The following KCND2 variants were observed in gnomAD, a reference collection of about 807,000 sequenced individuals.
The protein encoded by KCND2 is potassium voltage-gated channel subfamily D member 2.
A neutral mutation model predicts 54.4 loss-of-function variants in KCND2; 16 were observed. The observed-to-expected ratio is 0.29, with a 90% CI of 0.20 to 0.45. The LOEUF is 0.45. Among genes scored for constraint, KCND2 ranks in the 20% least tolerant of loss-of-function variants. KCND2 has a pLI of 1.00. For synonymous variants in KCND2, 317 were observed against 310.7 expected (o/e 1.02, Z -0.21); for missense variants, 486 against 824.2 (o/e 0.59, Z 5.02).
intron 1 of KCND2, among the ~76,000 whole-genome samples, chr7:120,341,223 A>G (rs1190396528): frequency 1.3e-5 from 2 of 152,102 alleles, no homozygotes; most frequent in African/African-American, 4.8e-5. Context: ...TTCAGAAGAA[A>G]GGAAAAACTG....
chr7:120,668,465 A>G (rs953287358), intron 1 of KCND2, among the ~76,000 whole-genome samples: 3 of 152,106 alleles, frequency 2.0e-5, no homozygotes, highest in Non-Finnish European at 4.4e-5. Context: ...CTGCATTAAA[A>G]ATGCCAGAAA....
rs377653777 is a variant in KCND2 at position 120,739,927 on chromosome 7, T to A, written c.1279-1607T>A. ...TCAAAGCAGGCAGCCTTGCTTATAGTTGCCAAAGATGCTTTAAAAATTAAT... is the reference window on the plus strand; with the variant it reads ...TCAAAGCAGGCAGCCTTGCTTATAGATGCCAAAGATGCTTTAAAAATTAAT... On this transcript the variant is annotated intron_variant, in intron 2 of 5. Coordinates refer to ENST00000331113, the MANE Select transcript of KCND2 (RefSeq NM_012281.3). 5.9e-5 allele frequency among the ~76,000 whole-genome samples: 9 copies of A among 152,184 alleles called. 1 individual carries two copies. The South Asian group carries it at 1.5e-3, about 25-fold the overall frequency.
intron 1 of KCND2, among the ~76,000 whole-genome samples, chr7:120,499,189 A>G (rs1489833647): frequency 6.6e-6 from 1 of 152,184 alleles, no homozygotes; most frequent in Non-Finnish European, 1.5e-5. Context: ...CATTATATAC[A>G]GAACTGTATT....
At chr7:120,694,869 A>C (rs1013667681) in intron 1 of KCND2, among the ~76,000 whole-genome samples, 5 of 152,166 alleles carry the variant, frequency 3.3e-5, no homozygotes, top group Admixed American at 1.3e-4. Context: ...TCCAGGTTGG[A>C]ATACAGTTTA....
At chr7:120,629,059 T>C (rs930905775) in intron 1 of KCND2, among the ~76,000 whole-genome samples, 108 of 152,248 alleles carry the variant, frequency 7.1e-4, no homozygotes, top group African/African-American at 2.2e-3. Flanking sequence ...TCTGATAAGA[T>C]AGATGTCATT....
rs185254077 is a variant in KCND2, at chr7:120,614,346, A to G, written c.1116-118557A>G. ...AATATTTTTAAAAGATTAAACTTAAAGCTCAATGCCTTAAACAGTTGGCAC... is the reference window on the plus strand; with the variant it reads ...AATATTTTTAAAAGATTAAACTTAAGGCTCAATGCCTTAAACAGTTGGCAC... On this transcript the variant is annotated intron_variant, in intron 1 of 5. Coordinates refer to ENST00000331113, the MANE Select transcript of KCND2 (RefSeq NM_012281.3). Among the ~76,000 whole-genome samples the G allele has an allele frequency of 5.3e-5, 8 of 152,266 alleles. No individual in the cohort carries two copies. The East Asian group carries it at 1.5e-3, about 29-fold the overall frequency.
At chr7:120,579,645 TA>T (rs375298101) in intron 1 of KCND2, among the ~76,000 whole-genome samples, 172 of 131,968 alleles carry the variant, frequency 1.3e-3, no homozygotes, top group African/African-American at 3.6e-3. Flanking sequence ...AATAAATAAA[TA>T]AAATAAAATA....
chr7:120,650,521 CT>C (rs1562898671), intron 1 of KCND2, among the ~76,000 whole-genome samples: 1 of 142,960 alleles, frequency 7.0e-6, no homozygotes. Context: ...TTCGTCTAAT[CT>C]TTTTTCAAGG....
intron 1 of KCND2, among the ~76,000 whole-genome samples, chr7:120,519,593 G>A (rs938763770): frequency 5.9e-5 from 9 of 152,246 alleles, no homozygotes; most frequent in South Asian, 2.1e-4. Flanking sequence ...TCCCACCTGT[G>A]CTTCTGACCT....
intron 1 of KCND2, among the ~76,000 whole-genome samples, chr7:120,287,916 A>C (rs995111404): frequency 6.6e-6 from 1 of 152,152 alleles, no homozygotes; most frequent in Non-Finnish European, 1.5e-5. Context: ...ATTAGATATT[A>C]TAGATAGAAA....
At chr7:120,662,988 T>C (rs2116562256) in intron 1 of KCND2, among the ~76,000 whole-genome samples, 1 of 152,316 alleles carries the variant, frequency 6.6e-6, no homozygotes, top group Middle Eastern at 3.4e-3. Flanking sequence ...GAACTATTTA[T>C]TGATCCTCAG....
chr7:120,486,619 A>G (rs1255385240), intron 1 of KCND2, among the ~76,000 whole-genome samples: 3 of 152,108 alleles, frequency 2.0e-5, no homozygotes, highest in Non-Finnish European at 2.9e-5. Context: ...AAGGGGATGC[A>G]TTAAAATTTC....
At chr7:120,411,677 C>A (rs978861713) in intron 1 of KCND2, among the ~76,000 whole-genome samples, 1 of 151,902 alleles carries the variant, frequency 6.6e-6, no homozygotes, top group Admixed American at 6.6e-5. Context: ...CTAGAAAGAA[C>A]ATAACAACTA....
intron 1 of KCND2, among the ~76,000 whole-genome samples, chr7:120,716,225 A>G (rs1792601269): frequency 6.6e-6 from 1 of 152,126 alleles, no homozygotes; most frequent in Non-Finnish European, 1.5e-5. Flanking sequence ...ATAATTAGCA[A>G]TATACTATGT....
At chr7:120,657,969 C>A (rs995358934) in intron 1 of KCND2, among the ~76,000 whole-genome samples, 1 of 152,056 alleles carries the variant, frequency 6.6e-6, no homozygotes, top group African/African-American at 2.4e-5. Context: ...TAGATTTATT[C>A]TTGACCAATA....
rs566903095 is a variant in KCND2 at position 120,282,454 on chromosome 7, A to C, written c.1115+6707A>C. ...TCTAAGAAATTAAAAGGCAGATTAC[A>C]AAATGTAAAGATAAATGTAGGTATA... On this transcript the variant is annotated intron_variant, in intron 1 of 5. Transcript: ENST00000331113. 3.9e-5 allele frequency among the ~76,000 whole-genome samples: 6 copies of C among 152,308 alleles called. No individual in the cohort carries two copies. The South Asian group carries it at 1.2e-3, about 32-fold the overall frequency.
chr7:120,321,747 A>G (rs977996188), intron 1 of KCND2, among the ~76,000 whole-genome samples: 2 of 151,890 alleles, frequency 1.3e-5, no homozygotes, highest in Non-Finnish European at 2.9e-5. Flanking sequence ...TGTTCTTTTT[A>G]TGTCCAACAC....
intron 1 of KCND2, among the ~76,000 whole-genome samples, chr7:120,421,826 C>T (rs12531689): frequency 0.065 from 9,953 of 152,234 alleles, 1,077 homozygotes; most frequent in East Asian, 0.53. Context: ...CCTCCATCCA[C>T]AATCCTGGCA....
rs1307074481 is a variant in KCND2, at chr7:120,374,650, G to A, written c.1115+98903G>A. ...TTGATTTTCAGATAAAATTTAGACT[G>A]TTTAATGGGCAATTCAAGTCCTTCT... On this transcript the variant is annotated intron_variant, in intron 1 of 5. Coordinates refer to ENST00000331113, the MANE Select transcript of KCND2 (RefSeq NM_012281.3). 1.4e-4 allele frequency among the ~76,000 whole-genome samples: 21 copies of A among 151,774 alleles called. No homozygotes were observed. In the Admixed American group the frequency reaches 1.4e-3, roughly 10 times the overall value.
Sources: gnomAD v4.1 joint callset for allele counts (sites outside exome capture counted in the v4.1 genomes callset) on GRCh38, gnomAD v4.1.1 for gene constraint, MANE v1.5 for transcripts, NCBI Gene and HGNC (gene_info 2026-07-23, HGNC 2026-07-21) for gene names.